PRR16: variants seen among roughly 807,000 people sequenced by gnomAD.
The protein encoded by PRR16 is proline rich 16.
In PRR16, 6 loss-of-function variants were observed where a neutral mutation model predicts 18.2. That is an observed-to-expected ratio of 0.33 (90% CI 0.18 to 0.65). PRR16 has a LOEUF of 0.65. PRR16 is among the 30% of genes least tolerant of loss of function. PRR16 has a pLI of 0.74. For synonymous variants in PRR16, 151 were observed against 147.8 expected (o/e 1.02, Z -0.16); for missense variants, 412 against 376.6 (o/e 1.09, Z -0.78).
chr5:120,732,836 G>A, the PRR16 span, among the ~76,000 whole-genome samples: 1 of 151,976 alleles, frequency 6.6e-6, no homozygotes. Flanking sequence ...GTGTATAAAT[G>A]GAAGAAAAAG....
At chr5:120,773,119 C>A in the PRR16 span, among the ~76,000 whole-genome samples, 4 of 152,084 alleles carry the variant, frequency 2.6e-5, no homozygotes, top group African/African-American at 9.7e-5. Context: ...TCCAACCTGA[C>A]TTGAGAATGG....
At chr5:120,700,030 C>CT in the PRR16 span, among the ~76,000 whole-genome samples, 1 of 152,038 alleles carries the variant, frequency 6.6e-6, no homozygotes, top group Non-Finnish European at 1.5e-5. Flanking sequence ...CGAAGAGAGG[C>CT]TGGGATGAAG....
the PRR16 span, among the ~76,000 whole-genome samples, chr5:120,713,851 TG>T: frequency 6.6e-6 from 1 of 152,166 alleles, no homozygotes; most frequent in African/African-American, 2.4e-5. Context: ...ATATTTAGAG[TG>T]CCATGAAAGC....
intron 1 of PRR16, among the ~76,000 whole-genome samples, chr5:120,602,727 A>T (rs536925064): frequency 6.6e-6 from 1 of 152,020 alleles, no homozygotes; most frequent in African/African-American, 2.4e-5. Flanking sequence ...ATTATCATCA[A>T]AGGTATGTTC....
At chr5:120,786,820 AAATT>A in the PRR16 span, among the ~76,000 whole-genome samples, 8 of 152,204 alleles carry the variant, frequency 5.3e-5, no homozygotes, top group East Asian at 1.4e-3. Context: ...TTACTTACAT[AAATT>A]AATTAACTTG....
intron 1 of PRR16, among the ~76,000 whole-genome samples, chr5:120,499,231 G>A (rs1750365958): frequency 1.3e-5 from 2 of 151,260 alleles, no homozygotes; most frequent in South Asian, 2.1e-4. Context: ...TGTCTCAGCC[G>A]CCCCAGTAGT....
the PRR16 span, among the ~76,000 whole-genome samples, chr5:120,770,302 A>C: frequency 6.6e-6 from 1 of 151,954 alleles, no homozygotes; most frequent in Non-Finnish European, 1.5e-5. Context: ...TTCATACACG[A>C]TCAGTTGAAT....
chr5:120,571,921 A>T (rs1056509540), intron 1 of PRR16, among the ~76,000 whole-genome samples: 4 of 152,090 alleles, frequency 2.6e-5, no homozygotes, highest in Non-Finnish European at 5.9e-5. Flanking sequence ...TGACAGGGAC[A>T]TCTAGAAGGT....
Position 120,496,615 on chromosome 5 carries a change from T to C in PRR16, c.159+31970T>C, listed in dbSNP as rs555004125. Among the ~76,000 whole-genome samples the C allele has an allele frequency of 2.0e-5, 3 of 152,100 alleles. No individual in the cohort carries two copies. In the East Asian group the frequency reaches 5.8e-4, roughly 29 times the overall value. On this transcript the variant is annotated intron_variant, in intron 1 of 1. Coordinates refer to ENST00000407149, the MANE Select transcript of PRR16 (RefSeq NM_001300783.2). ...CTCTCTTGTTTTCTTTGTCGATCTTTTTCGAGATTTGTAAATTTATTTTTT... is the reference window on the plus strand; with the variant it reads ...CTCTCTTGTTTTCTTTGTCGATCTTCTTCGAGATTTGTAAATTTATTTTTT...
chr5:120,650,036 G>T (rs1318516621), intron 1 of PRR16, among the ~76,000 whole-genome samples: 2 of 151,742 alleles, frequency 1.3e-5, no homozygotes, highest in Admixed American at 1.3e-4. Flanking sequence ...TGGCCAACAC[G>T]ATGAAACCCT....
intron 1 of PRR16, among the ~76,000 whole-genome samples, chr5:120,535,740 C>A (rs1011085377): frequency 4.6e-5 from 7 of 151,904 alleles, no homozygotes; most frequent in African/African-American, 1.5e-4. Context: ...GCGGAGGTTG[C>A]AGTGAGCCAA....
chr5:120,498,803 A>G (rs1175247080), intron 1 of PRR16, among the ~76,000 whole-genome samples: 1 of 152,042 alleles, frequency 6.6e-6, no homozygotes, highest in Non-Finnish European at 1.5e-5. Flanking sequence ...ATAGGATTCT[A>G]GGTAGCTAGT....
the PRR16 span, among the ~76,000 whole-genome samples, chr5:120,705,604 A>T: frequency 1.3e-5 from 2 of 152,208 alleles, no homozygotes; most frequent in South Asian, 2.1e-4. Context: ...TTAAATTTTT[A>T]TTCTTGTGTT....
chr5:120,477,220 A>T (rs1229110720), intron 1 of PRR16, among the ~76,000 whole-genome samples: 3 of 151,848 alleles, frequency 2.0e-5, no homozygotes, highest in Non-Finnish European at 2.9e-5. Flanking sequence ...TCCAACCCAA[A>T]CCTTTTTTCT....
At chr5:120,626,011 T>G (rs1754851309) in intron 1 of PRR16, among the ~76,000 whole-genome samples, 1 of 152,118 alleles carries the variant, frequency 6.6e-6, no homozygotes. Context: ...TCTGTGCTAT[T>G]AACCACACTA....
chr5:120,754,238 A>AATATAT, the PRR16 span, among the ~76,000 whole-genome samples: 1 of 18,038 alleles, frequency 5.5e-5, no homozygotes, highest in Admixed American at 8.7e-4. Flanking sequence ...TATAATATAT[A>AATATAT]ATTAGATATT....
chr5:120,614,869 T>C (rs987283411), intron 1 of PRR16, among the ~76,000 whole-genome samples: 3 of 152,256 alleles, frequency 2.0e-5, no homozygotes, highest in East Asian at 1.9e-4. Context: ...AGGAGGAACA[T>C]ATAGGCACCA....
At chr5:120,774,988 G>A in the PRR16 span, among the ~76,000 whole-genome samples, 1 of 152,096 alleles carries the variant, frequency 6.6e-6, no homozygotes, top group Non-Finnish European at 1.5e-5. Context: ...CTTCCATGCA[G>A]CCAAGCTTCT....
intron 1 of PRR16, among the ~76,000 whole-genome samples, chr5:120,470,950 C>G (rs1439024728): frequency 6.6e-6 from 1 of 152,024 alleles, no homozygotes; most frequent in Admixed American, 6.6e-5. Flanking sequence ...GATCTAAAAG[C>G]TTTAAAATTC....
Sources: allele counts gnomAD v4.1 joint callset (sites outside exome capture counted in the v4.1 genomes callset), GRCh38; gene constraint gnomAD v4.1.1; transcripts MANE v1.5; gene names NCBI Gene and HGNC (gene_info 2026-07-23, HGNC 2026-07-21).